ARB2A: variants seen among roughly 807,000 people sequenced by gnomAD.
ARB2A encodes ARB2 cotranscriptional regulator A, also known as cotranscriptional regulator ARB2A.
the ARB2A span, chr5:93,735,628 G>T: frequency 6.6e-6 from 1 of 152,230 alleles, no homozygotes; most frequent in Non-Finnish European, 1.5e-5. Context: ...CTAGGAAAAG[G>T]AGGAAATGGA....
chr5:93,820,867 T>C, the ARB2A span, among the ~76,000 whole-genome samples: 1 of 152,124 alleles, frequency 6.6e-6, no homozygotes, highest in African/African-American at 2.4e-5. Context: ...GAAATTTGAG[T>C]TGTTACCATA....
chr5:93,637,077 T>TC, the ARB2A span, among the ~76,000 whole-genome samples: 32 of 152,094 alleles, frequency 2.1e-4, no homozygotes, highest in African/African-American at 7.2e-4. Context: ...CCCACTTCCT[T>TC]CCCCCCAGCT....
At chr5:93,856,823 G>A in the ARB2A span, among the ~76,000 whole-genome samples, 1 of 152,014 alleles carries the variant, frequency 6.6e-6, no homozygotes, top group Non-Finnish European at 1.5e-5. Context: ...CGTTACTGGT[G>A]AGGAACTGCG....
At chr5:93,769,409 G>A in the ARB2A span, among the ~76,000 whole-genome samples, 5 of 152,012 alleles carry the variant, frequency 3.3e-5, no homozygotes, top group Non-Finnish European at 5.9e-5. Context: ...GAGAAATTCC[G>A]GCGTTTCAAA....
the ARB2A span, among the ~76,000 whole-genome samples, chr5:93,928,524 C>CA: frequency 2.6e-5 from 4 of 152,162 alleles, no homozygotes; most frequent in African/African-American, 9.7e-5. Context: ...TGAAACACAA[C>CA]TGATATAAAC....
At chr5:93,620,705 C>G in the ARB2A span, 4 of 303,944 alleles carry the variant, frequency 1.3e-5, no homozygotes, top group East Asian at 1.1e-4. Context: ...AGAGCTTCGC[C>G]GGCCGAGCCA....
At chr5:93,858,758 C>T in the ARB2A span, among the ~76,000 whole-genome samples, 1 of 152,174 alleles carries the variant, frequency 6.6e-6, no homozygotes. Flanking sequence ...GGTTATTTAC[C>T]TGCTTGCAAA....
chr5:93,763,723 C>T, the ARB2A span, among the ~76,000 whole-genome samples: 1 of 152,206 alleles, frequency 6.6e-6, no homozygotes, highest in African/African-American at 2.4e-5. Flanking sequence ...GAACTCTCCA[C>T]CCCAAATCAA....
chr5:93,721,288 G>C, the ARB2A span, among the ~76,000 whole-genome samples: 1 of 152,120 alleles, frequency 6.6e-6, no homozygotes. Flanking sequence ...AGTCAGTTCA[G>C]CTTTGATGTC....
the ARB2A span, among the ~76,000 whole-genome samples, chr5:93,720,187 G>A: frequency 1.3e-5 from 2 of 152,218 alleles, no homozygotes; most frequent in East Asian, 1.9e-4. Context: ...TATTAAAGAC[G>A]CTTTATTCTA....
At chr5:93,752,306 T>C in the ARB2A span, among the ~76,000 whole-genome samples, 1 of 152,234 alleles carries the variant, frequency 6.6e-6, no homozygotes, top group East Asian at 1.9e-4. Context: ...GCCATGAAGC[T>C]ATTCCTATGG....
the ARB2A span, among the ~76,000 whole-genome samples, chr5:93,839,086 AG>A: frequency 6.6e-6 from 1 of 152,018 alleles, no homozygotes; most frequent in Non-Finnish European, 1.5e-5. Flanking sequence ...GTTGAATAGG[AG>A]TGGTGAGAGA....
chr5:93,934,132 A>C, the ARB2A span, among the ~76,000 whole-genome samples: 278 of 152,334 alleles, frequency 1.8e-3, 3 homozygotes, highest in Non-Finnish European at 2.1e-3. Context: ...TTTATGAGGA[A>C]CTATTTTAAA....
At chr5:93,690,435 C>T in the ARB2A span, among the ~76,000 whole-genome samples, 21 of 152,236 alleles carry the variant, frequency 1.4e-4, 1 homozygote, top group African/African-American at 3.1e-4. Context: ...ACAAAGATGC[C>T]GGGAAGTTCA....
At chr5:93,805,799 G>A in the ARB2A span, 15 of 984,958 alleles carry the variant, frequency 1.5e-5, no homozygotes, top group South Asian at 4.7e-5. Context: ...TCCTATAAAC[G>A]GTTTTCAATG....
the ARB2A span, among the ~76,000 whole-genome samples, chr5:93,879,611 G>T: frequency 6.6e-6 from 1 of 151,656 alleles, no homozygotes; most frequent in Non-Finnish European, 1.5e-5. Flanking sequence ...AAATAGATGA[G>T]AGGAAAAACA....
At chr5:93,641,571 T>C in the ARB2A span, among the ~76,000 whole-genome samples, 2 of 152,124 alleles carry the variant, frequency 1.3e-5, no homozygotes, top group South Asian at 2.1e-4. Context: ...AAACACAGGA[T>C]TGTGGAAATG....
the ARB2A span, among the ~76,000 whole-genome samples, chr5:93,874,548 T>C: frequency 6.6e-6 from 1 of 152,164 alleles, no homozygotes; most frequent in Admixed American, 6.5e-5. Flanking sequence ...ATTTCTTCCA[T>C]TTGATTGTCC....
chr5:93,878,347 C>T, the ARB2A span, among the ~76,000 whole-genome samples: 10 of 151,928 alleles, frequency 6.6e-5, no homozygotes, highest in Admixed American at 3.3e-4. Flanking sequence ...GATACAGTAG[C>T]GAGCAAAACA....
Sources: allele counts gnomAD v4.1 joint callset (sites outside exome capture counted in the v4.1 genomes callset), GRCh38; gene constraint gnomAD v4.1.1; transcripts MANE v1.5; gene names NCBI Gene and HGNC (gene_info 2026-07-23, HGNC 2026-07-21).